ZFR2: variants seen among roughly 807,000 people sequenced by gnomAD.
ZFR2 encodes the protein zinc finger RNA-binding protein 2.
ZFR2 carries 104 observed loss-of-function variants against 105.7 expected under a neutral mutation model. The observed-to-expected ratio is 0.98, with a 90% CI of 0.84 to 1.16. The LOEUF (loss-of-function observed/expected upper bound fraction) is 1.16. Ranked by LOEUF, ZFR2 falls within the 50% of genes most tolerant of loss-of-function variation. ZFR2 has a pLI of 0.00. For missense variants in ZFR2, 1,425 were observed against 1,355.5 expected (o/e 1.05, Z -0.80); for synonymous variants, 634 against 597.7 (o/e 1.06, Z -0.89).
At chr19:3,847,380 T>C (rs140962301) in intron 1 of ZFR2, among the ~76,000 whole-genome samples, 4,303 of 151,870 alleles carry the variant, frequency 0.028, 200 homozygotes, top group African/African-American at 0.099. Flanking sequence ...AAAAATTAGC[T>C]AGGTGTGGTG....
At position 3,804,991 on chromosome 19, in the gene ZFR2, G is replaced by A. The variant is rs113310842; in HGVS notation, c.*958C>T. 8,243 of 152,274 alleles carry A rather than the reference G, an allele frequency of 0.054. 750 individuals are homozygous for A. The highest frequency in any genetic ancestry group is 0.19 in the African/African-American group (7,847 of 41,434). The allele number at this position is 152,274 out of a possible 1,614,324, so 9.4% of individuals were successfully genotyped here. ...AACTCCTGGGCTCAAGGGATCCTAC[G>A]GCCTCAGCCTCCCGAGTAGCTGGGA... On this transcript the variant is annotated 3_prime_UTR_variant, in exon 19 of 19. Coordinates refer to ENST00000262961, the MANE Select transcript of ZFR2 (RefSeq NM_015174.2).
chr19:3,849,497 T>C (rs1045387272), intron 1 of ZFR2, among the ~76,000 whole-genome samples: 8 of 152,210 alleles, frequency 5.3e-5, no homozygotes, highest in Non-Finnish European at 1.2e-4. Flanking sequence ...CTGAGCAGCG[T>C]CCCCAGCCTC....
At chr19:3,860,519 G>A (rs915713442) in intron 1 of ZFR2, among the ~76,000 whole-genome samples, 3 of 152,166 alleles carry the variant, frequency 2.0e-5, no homozygotes, top group African/African-American at 4.8e-5. Flanking sequence ...AGCCTCGGGG[G>A]CGAGCCAGGT....
intron 1 of ZFR2, among the ~76,000 whole-genome samples, chr19:3,840,192 G>T (rs901287116): frequency 6.6e-6 from 1 of 151,504 alleles, no homozygotes; most frequent in African/African-American, 2.4e-5. Context: ...TCATCGCCCA[G>T]TACAGAAGCA....
Position 3,819,184 on chromosome 19 carries a change from C to T in ZFR2, c.1792G>A (p.Ala598Thr), listed in dbSNP as rs758565194. 15 of 1,590,546 alleles carry T rather than the reference C, an allele frequency of 9.4e-6. No homozygotes were observed. Among genetic ancestry groups the T allele is most frequent in the African/African-American group, 6.8e-5 (5 of 73,940 alleles). The change falls in exon 12 of 19, where the codon GCC (alanine) becomes ACC (threonine). Residue 598 changes from alanine (A) to threonine (T), a missense_variant. By Grantham distance (58) the Ala-to-Thr change is moderately conservative. Coordinates refer to ENST00000262961, the MANE Select transcript of ZFR2 (RefSeq NM_015174.2). ...TCCTGCTCCGTGGGGTAGATGGTGG[C>T]GTGCTTGCACATGACGTGCCGGTCG... ...SDDRHVMCKHATIYPTEQELL... is the reference protein window; with the variant it reads ...SDDRHVMCKHTTIYPTEQELL...
Position 3,831,509 on chromosome 19 carries a change from G to C in ZFR2, c.646C>G (p.Pro216Ala), listed in dbSNP as rs2038015804. 4 of 1,555,708 alleles carry C rather than the reference G, an allele frequency of 2.6e-6. No individual in the cohort carries two copies. Among genetic ancestry groups the C allele is most frequent in the Non-Finnish European group, 3.5e-6 (4 of 1,150,302 alleles). ...YDASVYSAAS[P>A]FYPPAQPPPP... ...GGGGGCTGCGCTGGAGGATAGAAAG[G>C]GCTGGCAGCGGAGTACACCGACGCG... The change falls in exon 5 of 19, where the codon CCT becomes GCT. Residue 216 changes from proline (P) to alanine (A), a missense_variant. Transcript: ENST00000262961.
chr19:3,834,817 G>T lies in ZFR2; in HGVS notation c.220C>A (p.Pro74Thr), dbSNP rs938353230. The stretch of plus-strand genomic sequence containing the variant: ...GTGGCCGTGGGGACGGGCTCCTGGG[G>T]TCGGCTGCCGTAGGCGAAGTCCTGG... ...SGQDFAYGSRPQEPVPTATTM... is the reference protein window; with the variant it reads ...SGQDFAYGSRTQEPVPTATTM... Residue 74 changes from proline (P) to threonine (T), a missense_variant, in exon 2 of 19, where the codon CCC becomes ACC. Pro to Thr is a conservative substitution (Grantham distance 38). Transcript: ENST00000262961. The surrounding 1 kb of genome is among the most constrained non-coding windows in gnomAD (Gnocchi z 5.3). 6.2e-7 allele frequency: 1 copy of T among 1,611,770 alleles called. No individual in the cohort carries two copies. The highest frequency in any genetic ancestry group is 1.3e-5 in the African/African-American group (1 of 74,914).
In ZFR2 at chr19:3,813,799, G is replaced by C; in HGVS notation, c.2242+21C>G. 6.2e-7 allele frequency: 1 copy of C among 1,612,766 alleles called. No individual in the cohort carries two copies. Among genetic ancestry groups the C allele is most frequent in the Non-Finnish European group, 8.5e-7 (1 of 1,179,344 alleles). ...GGAAGCGTGAGGGGGACAGTGGTTG[G>C]AAGGAAGGGCTGGGCCGCACCTGGG... On this transcript the variant is annotated intron_variant, in intron 14 of 18. Coordinates refer to ENST00000262961, the MANE Select transcript of ZFR2 (RefSeq NM_015174.2). The surrounding 1 kb of genome is among the most constrained non-coding windows in gnomAD (Gnocchi z 4.4).
chr19:3,868,593 C>A (rs1427485246), intron 1 of ZFR2, among the ~76,000 whole-genome samples: 2 of 151,666 alleles, frequency 1.3e-5, no homozygotes, highest in Non-Finnish European at 2.9e-5. Flanking sequence ...ACCCCCCGCC[C>A]GGGTCTGTCC....
At chr19:3,868,858 G>C in intron 1 of ZFR2, 107 bp downstream of exon 1, 2 of 958,250 alleles carry the variant, frequency 2.1e-6, no homozygotes, top group Non-Finnish European at 2.7e-6. Context: ...GGTTGGGGCT[G>C]GGACTGGGGC....
At chr19:3,857,652 C>A (rs1056328399) in intron 1 of ZFR2, among the ~76,000 whole-genome samples, 2 of 148,162 alleles carry the variant, frequency 1.3e-5, no homozygotes, top group African/African-American at 5.0e-5. Flanking sequence ...GCCGAGATTG[C>A]GCCACTGCAC....
At position 3,813,762 on chromosome 19, in the gene ZFR2, G is replaced by A; in HGVS notation, c.2242+58C>T. On this transcript the variant is annotated intron_variant, in intron 14 of 18. Coordinates refer to ENST00000262961, the MANE Select transcript of ZFR2 (RefSeq NM_015174.2). This position sits in a 1 kb window ranked among gnomAD's most constrained non-coding sequence, Gnocchi z 4.4. The stretch of plus-strand genomic sequence containing the variant: ...GACGCTGCCCCAGGCCTGGGTGTGG[G>A]GAGCGCCCTGGGGAAGCGTGAGGGG... 6.3e-7 allele frequency: 1 copy of A among 1,599,542 alleles called. No homozygotes were observed. The highest frequency in any genetic ancestry group is 8.5e-7 in the Non-Finnish European group (1 of 1,171,876).
chr19:3,861,499 A>C (rs1027675542), intron 1 of ZFR2, among the ~76,000 whole-genome samples: 1 of 151,798 alleles, frequency 6.6e-6, no homozygotes, highest in Non-Finnish European at 1.5e-5. Context: ...GGTGGTGTTT[A>C]CCTGAAATCC....
At chr19:3,807,656 C>T (rs1233363654) in intron 17 of ZFR2, among the ~76,000 whole-genome samples, 2 of 150,906 alleles carry the variant, frequency 1.3e-5, no homozygotes, top group African/African-American at 4.9e-5. Flanking sequence ...CATGTGTGCC[C>T]GTGTGTGCAC....
intron 3 of ZFR2, among the ~76,000 whole-genome samples, chr19:3,832,457 G>A (rs927344652): frequency 7.2e-5 from 11 of 151,760 alleles, no homozygotes; most frequent in Admixed American, 5.3e-4. Flanking sequence ...GAATAGCTGG[G>A]ATTACAAGCA....
chr19:3,867,141 C>CGG (rs34439958), intron 1 of ZFR2, among the ~76,000 whole-genome samples: 39 of 152,010 alleles, frequency 2.6e-4, no homozygotes, highest in African/African-American at 7.2e-4. Flanking sequence ...AGGAACACCG[C>CGG]GGGGGGCAAA....
intron 1 of ZFR2, among the ~76,000 whole-genome samples, chr19:3,842,758 G>T (rs564450508): frequency 1.3e-5 from 2 of 151,940 alleles, no homozygotes; most frequent in African/African-American, 4.8e-5. Context: ...CGAGTAGCTG[G>T]GATTGCAGGT....
Position 3,853,904 on chromosome 19 carries a change from G to A in ZFR2, c.53+15061C>T, listed in dbSNP as rs137902688. Among the ~76,000 whole-genome samples, 206 of 150,330 alleles carry A rather than the reference G, an allele frequency of 1.4e-3. 1 individual carries two copies. The highest frequency in any genetic ancestry group is 4.9e-3 in the African/African-American group (199 of 40,832). On this transcript the variant is annotated intron_variant, in intron 1 of 18. Transcript: ENST00000262961. ...GCCTGGGCAACACAGTGAGACCCCC[G>A]CCTCTACAAAGTCTCTACAAACTAC... is the stretch of plus-strand genomic sequence containing the variant.
rs1047333785 is a variant in ZFR2 at position 3,827,753 on chromosome 19, T to C, written c.853-100A>G. On this transcript the variant is annotated intron_variant, in intron 5 of 18. Coordinates refer to ENST00000262961, the MANE Select transcript of ZFR2 (RefSeq NM_015174.2). ...GGCTTAGCGCGAGGGAACTCGGTGGTAACAGAGGCCCGCTGTCCCCAACCC... is the reference window on the plus strand; with the variant it reads ...GGCTTAGCGCGAGGGAACTCGGTGGCAACAGAGGCCCGCTGTCCCCAACCC... 35 of 1,359,004 alleles carry C rather than the reference T, an allele frequency of 2.6e-5. No homozygotes were observed. The East Asian group carries it at 8.2e-4, about 32-fold the overall frequency. 84.2% of individuals were successfully genotyped at this position (1,359,004 alleles called of 1,614,324 possible). A position where few individuals can be genotyped will look rare whatever the true frequency, so the allele number is the denominator to read the frequency against.
Sources: allele counts gnomAD v4.1 joint callset (sites outside exome capture counted in the v4.1 genomes callset), GRCh38; gene constraint gnomAD v4.1.1; non-coding constraint Gnocchi (gnomAD v3.1); transcripts MANE v1.5; gene names NCBI Gene and HGNC (gene_info 2026-07-23, HGNC 2026-07-21).